CHCHD3: variants seen among roughly 807,000 people sequenced by gnomAD.
CHCHD3 encodes the protein coiled-coil-helix-coiled-coil-helix domain containing 3.
Under a neutral mutation model 38.2 loss-of-function variants are expected in CHCHD3, and 20 were observed. The observed-to-expected ratio is 0.52, with a 90% CI of 0.37 to 0.76. CHCHD3 has a LOEUF of 0.76. Among genes scored for constraint, CHCHD3 ranks in the 30% least tolerant of loss-of-function variants. The pLI, the probability that CHCHD3 is intolerant of heterozygous loss-of-function variation, is 0.00. For synonymous variants in CHCHD3, 82 were observed against 100.0 expected (o/e 0.82, Z 1.07); for missense variants, 245 against 279.2 (o/e 0.88, Z 0.87).
chr7:132,878,424 C>CA (rs1808968561), intron 5 of CHCHD3, among the ~76,000 whole-genome samples: 1 of 152,164 alleles, frequency 6.6e-6, no homozygotes, highest in Non-Finnish European at 1.5e-5. Flanking sequence ...CAATAAAAGA[C>CA]ATGTCATCTG....
At chr7:133,070,030 G>A in intron 2 of CHCHD3, 112 bp downstream of exon 2, 1 of 707,846 alleles carries the variant, frequency 1.4e-6, no homozygotes, top group South Asian at 2.1e-5. Context: ...CTTATTAAAA[G>A]CTAAACATCT....
chr7:132,831,421 A>G (rs1472127052), intron 6 of CHCHD3, among the ~76,000 whole-genome samples: 1 of 152,200 alleles, frequency 6.6e-6, no homozygotes, highest in East Asian at 1.9e-4. Flanking sequence ...AAAGTAGGTT[A>G]TAAGTAGACA....
At chr7:132,875,673 C>T (rs1808878822) in intron 5 of CHCHD3, among the ~76,000 whole-genome samples, 1 of 152,186 alleles carries the variant, frequency 6.6e-6, no homozygotes, top group African/African-American at 2.4e-5. Context: ...TTGTATTCAT[C>T]ATTATATCTT....
At chr7:132,859,659 C>T (rs1037914175) in intron 5 of CHCHD3, among the ~76,000 whole-genome samples, 8 of 152,204 alleles carry the variant, frequency 5.3e-5, no homozygotes, top group Non-Finnish European at 1.0e-4. Context: ...TGATGGAGAA[C>T]TGCTTCCCTG....
chr7:133,063,023 A>G (rs972731690), intron 2 of CHCHD3, among the ~76,000 whole-genome samples: 1 of 152,182 alleles, frequency 6.6e-6, no homozygotes, highest in African/African-American at 2.4e-5. Context: ...TCTCTAGTTC[A>G]TTCTCTCTCC....
chr7:132,943,820 T>G (rs1239344960), intron 4 of CHCHD3, among the ~76,000 whole-genome samples: 2 of 152,156 alleles, frequency 1.3e-5, no homozygotes, highest in East Asian at 3.8e-4. Context: ...TGTCTGGCGA[T>G]GTCTCTCTAT....
At chr7:132,895,718 A>G (rs968654717) in intron 4 of CHCHD3, among the ~76,000 whole-genome samples, 4 of 152,356 alleles carry the variant, frequency 2.6e-5, no homozygotes, top group East Asian at 3.9e-4. Context: ...GTAAGAAGTG[A>G]CATTGCTCTT....
chr7:132,932,481 CT>C (rs1220240259), intron 4 of CHCHD3, among the ~76,000 whole-genome samples: 1 of 152,184 alleles, frequency 6.6e-6, no homozygotes, highest in Non-Finnish European at 1.5e-5. Context: ...TTCCCTAGGT[CT>C]TTACCCTGGA....
At chr7:133,072,606 G>A (rs535444136) in intron 1 of CHCHD3, among the ~76,000 whole-genome samples, 1 of 152,204 alleles carries the variant, frequency 6.6e-6, no homozygotes, top group African/African-American at 2.4e-5. Flanking sequence ...TTAGGAGGCC[G>A]AGGTGGGCGG....
intron 4 of CHCHD3, among the ~76,000 whole-genome samples, chr7:132,955,874 A>C (rs1811152414): frequency 6.6e-6 from 1 of 152,200 alleles, no homozygotes; most frequent in Non-Finnish European, 1.5e-5. Context: ...TCATTGCTGA[A>C]GCCAATGCCA....
At chr7:132,991,883 C>T (rs1256456195) in intron 3 of CHCHD3, among the ~76,000 whole-genome samples, 2 of 152,156 alleles carry the variant, frequency 1.3e-5, no homozygotes, top group Non-Finnish European at 2.9e-5. Context: ...TCCATCTTCC[C>T]CTACATGGAA....
intron 4 of CHCHD3, among the ~76,000 whole-genome samples, chr7:132,953,371 T>A (rs914062272): frequency 1.3e-5 from 2 of 152,128 alleles, no homozygotes; most frequent in African/African-American, 4.8e-5. Context: ...GAACCACAGC[T>A]CCACCACCTT....
At chr7:132,821,980 T>C (rs1807389930) in intron 6 of CHCHD3, among the ~76,000 whole-genome samples, 1 of 152,110 alleles carries the variant, frequency 6.6e-6, no homozygotes, top group Admixed American at 6.5e-5. Context: ...GCCAGGATGG[T>C]CTCGATCTCC....
rs371411456 is a variant in CHCHD3 at position 133,027,363 on chromosome 7, A to AAGAGAGAGAG, written c.170-2746_170-2737dup. Reference sequence around the variant, plus strand: ...TGCTAAATGTACCTTAATAAGTTGTAAGAGAGAGAGAGAGAGAGAGAGAAA... The same window carrying AAGAGAGAGAG: ...TGCTAAATGTACCTTAATAAGTTGTAAGAGAGAGAGAGAGAGAGAGAGAGAGAGAGAGAAA... On this transcript the variant is annotated intron_variant, in intron 2 of 7. Coordinates refer to ENST00000262570, the MANE Select transcript of CHCHD3 (RefSeq NM_017812.4). Among the ~76,000 whole-genome samples, 991 of 133,838 alleles carry AAGAGAGAGAG rather than the reference A, an allele frequency of 7.4e-3. 7 individuals are homozygous for AAGAGAGAGAG. Among genetic ancestry groups the AAGAGAGAGAG allele is most frequent in the South Asian group, 0.038 (136 of 3,540 alleles). 87.8% of individuals were successfully genotyped at this position (133,838 alleles called of 152,430 possible).
intron 6 of CHCHD3, among the ~76,000 whole-genome samples, chr7:132,811,039 C>T (rs1007202156): frequency 2.6e-5 from 4 of 152,138 alleles, no homozygotes; most frequent in Non-Finnish European, 4.4e-5. Flanking sequence ...CCTTTCCACC[C>T]TTGGCTAATG....
At chr7:132,791,126 T>C (rs1439266630) in intron 7 of CHCHD3, among the ~76,000 whole-genome samples, 2 of 152,200 alleles carry the variant, frequency 1.3e-5, no homozygotes. Flanking sequence ...AGCAATGGTT[T>C]TCAAACTTTG....
At chr7:133,070,030 G>T in intron 2 of CHCHD3, 112 bp downstream of exon 2, 1 of 707,844 alleles carries the variant, frequency 1.4e-6, no homozygotes, top group Non-Finnish European at 2.3e-6. Flanking sequence ...CTTATTAAAA[G>T]CTAAACATCT....
At chr7:133,003,942 C>A (rs887708951) in intron 3 of CHCHD3, among the ~76,000 whole-genome samples, 4 of 151,772 alleles carry the variant, frequency 2.6e-5, no homozygotes, top group African/African-American at 9.7e-5. Flanking sequence ...GAATTTTGAA[C>A]CTGAAAGATA....
intron 7 of CHCHD3, among the ~76,000 whole-genome samples, chr7:132,787,786 T>C (rs1806358928): frequency 6.6e-6 from 1 of 152,074 alleles, no homozygotes; most frequent in South Asian, 2.1e-4. Flanking sequence ...GTCTATGTCA[T>C]AGGGCACAAA....
Sources: gnomAD v4.1 joint callset for allele counts (sites outside exome capture counted in the v4.1 genomes callset) on GRCh38, gnomAD v4.1.1 for gene constraint, MANE v1.5 for transcripts, NCBI Gene and HGNC (gene_info 2026-07-23, HGNC 2026-07-21) for gene names.